GRIK1: variants seen among roughly 807,000 people sequenced by gnomAD.
The protein encoded by GRIK1 is glutamate ionotropic receptor kainate type subunit 1.
GRIK1 carries 69 observed loss-of-function variants against 105.7 expected under a neutral mutation model. That is an observed-to-expected ratio of 0.65 (90% CI 0.54 to 0.80). The LOEUF is 0.80. Among genes scored for constraint, GRIK1 ranks in the 30% least tolerant of loss-of-function variants. GRIK1 has a pLI of 0.00. For missense variants in GRIK1, 1,109 were observed against 1,167.3 expected (o/e 0.95, Z 0.73); for synonymous variants, 438 against 431.3 (o/e 1.02, Z -0.19).
rs138354828 is a variant in GRIK1 at position 29,582,187 on chromosome 21, G to A, written c.1794-644C>T. On this transcript the variant is annotated intron_variant, in intron 12 of 17. Transcript: ENST00000327783. ...TCATGATCCTAAAGGAAGAGACAAG[G>A]CATACATTTGGAATTATACTGGTCC... The A allele has an allele frequency of 2.9e-4, 91 of 314,284 alleles. No individual in the cohort carries two copies. In the East Asian group the frequency reaches 7.5e-3, roughly 26 times the overall value. The allele number at this position is 314,284 out of a possible 1,614,324, so 19.5% of individuals were successfully genotyped here. A position where few individuals can be genotyped will look rare whatever the true frequency, so the allele number is the denominator to read the frequency against.
chr21:29,787,938 A>C (rs905157628), intron 1 of GRIK1, among the ~76,000 whole-genome samples: 1 of 152,250 alleles, frequency 6.6e-6, no homozygotes, highest in African/African-American at 2.4e-5. Context: ...TCCCAAGAGA[A>C]ATAACTTCTT....
At chr21:29,891,730 AT>A (rs1295781359) in intron 1 of GRIK1, among the ~76,000 whole-genome samples, 4 of 152,150 alleles carry the variant, frequency 2.6e-5, no homozygotes, top group Non-Finnish European at 5.9e-5. Flanking sequence ...GGGTTTTATT[AT>A]TTCTTTTGAA....
chr21:29,676,444 C>T (rs1468787535), intron 3 of GRIK1, among the ~76,000 whole-genome samples: 4 of 152,256 alleles, frequency 2.6e-5, no homozygotes, highest in Middle Eastern at 3.4e-3. Context: ...GAAGCTTTCC[C>T]TTATATTTGC....
chr21:29,626,483 C>A (rs571739482), intron 7 of GRIK1, among the ~76,000 whole-genome samples: 2 of 152,042 alleles, frequency 1.3e-5, no homozygotes, highest in Non-Finnish European at 2.9e-5. Context: ...GAAGAAAACA[C>A]CAGGGGAGGA....
intron 4 of GRIK1, among the ~76,000 whole-genome samples, chr21:29,665,768 T>A (rs2088077821): frequency 6.6e-6 from 1 of 152,226 alleles, no homozygotes; most frequent in Non-Finnish European, 1.5e-5. Context: ...AGTTGCCTGT[T>A]TACAGGATGT....
chr21:29,631,679 A>T (rs182675244), intron 7 of GRIK1, among the ~76,000 whole-genome samples: 5 of 152,360 alleles, frequency 3.3e-5, no homozygotes, highest in Admixed American at 2.6e-4. Flanking sequence ...GACACAGTGG[A>T]TTAAAAAGAC....
chr21:29,586,254 C>G (rs2146274247), intron 12 of GRIK1, among the ~76,000 whole-genome samples: 1 of 152,290 alleles, frequency 6.6e-6, no homozygotes, highest in African/African-American at 2.4e-5. Flanking sequence ...TCAAAACATT[C>G]ATTTCATATT....
At chr21:29,792,894 CT>C (rs2066461472) in intron 1 of GRIK1, among the ~76,000 whole-genome samples, 1 of 152,156 alleles carries the variant, frequency 6.6e-6, no homozygotes, top group Admixed American at 6.6e-5. Context: ...AGAATATCTG[CT>C]TTTTTATTTT....
At chr21:29,694,375 C>A (rs1004628504) in intron 1 of GRIK1, among the ~76,000 whole-genome samples, 5 of 151,998 alleles carry the variant, frequency 3.3e-5, no homozygotes, top group African/African-American at 1.2e-4. Context: ...CCACCCGCCT[C>A]GACCTCCCAA....
intron 7 of GRIK1, among the ~76,000 whole-genome samples, chr21:29,613,009 A>G (rs945006180): frequency 1.3e-5 from 2 of 152,206 alleles, no homozygotes; most frequent in African/African-American, 2.4e-5. Flanking sequence ...TCTTGGCTCT[A>G]TCTTTGAGTA....
chr21:29,854,552 G>A (rs111357548), intron 1 of GRIK1, among the ~76,000 whole-genome samples: 107 of 152,246 alleles, frequency 7.0e-4, no homozygotes, highest in African/African-American at 2.4e-3. Flanking sequence ...GGACTTGGGT[G>A]GGGGAATGAG....
intron 1 of GRIK1, among the ~76,000 whole-genome samples, chr21:29,851,056 C>CTTTTTT (rs11301678): frequency 6.1e-5 from 9 of 146,424 alleles, no homozygotes; most frequent in Non-Finnish European, 6.0e-5. Flanking sequence ...GAAATGATTT[C>CTTTTTT]TTTTTTTTTT....
intron 1 of GRIK1, among the ~76,000 whole-genome samples, chr21:29,705,788 T>C (rs185490733): frequency 6.6e-6 from 1 of 152,296 alleles, no homozygotes; most frequent in African/African-American, 2.4e-5. Flanking sequence ...ATCTCACAGA[T>C]ATGTTGCAGG....
At chr21:29,691,215 G>A (rs1438103879) in intron 2 of GRIK1, among the ~76,000 whole-genome samples, 1 of 152,056 alleles carries the variant, frequency 6.6e-6, no homozygotes, top group Non-Finnish European at 1.5e-5. Context: ...GGTGGCTGAG[G>A]CACGAGAATT....
At position 29,939,709 on chromosome 21, in the gene GRIK1, T is replaced by C; in HGVS notation, c.-209A>G. The C allele has an allele frequency of 2.2e-6, 1 of 463,542 alleles. No individual in the cohort carries two copies. Among genetic ancestry groups the C allele is most frequent in the East Asian group, 3.7e-5 (1 of 27,236 alleles). The allele number at this position is 463,542 out of a possible 1,614,324, so 28.7% of individuals were successfully genotyped here. A position where few individuals can be genotyped will look rare whatever the true frequency, so the allele number is the denominator to read the frequency against. ...GAGCTCTCTCGGGGCTCCTCAGTGC[T>C]GTCGCTAGCCCATCACGGCTCCTCC... On this transcript the variant is annotated 5_prime_UTR_variant, in exon 1 of 18. Transcript: ENST00000327783.
At chr21:29,639,068 C>A (rs2062455623) in intron 7 of GRIK1, among the ~76,000 whole-genome samples, 2 of 152,212 alleles carry the variant, frequency 1.3e-5, no homozygotes, top group African/African-American at 4.8e-5. Flanking sequence ...CCTCACTCTC[C>A]TATCGAAACC....
intron 14 of GRIK1, among the ~76,000 whole-genome samples, chr21:29,576,374 G>A (rs532870869): frequency 3.3e-5 from 5 of 152,250 alleles, no homozygotes; most frequent in African/African-American, 7.2e-5. Flanking sequence ...CGGTGCCTCC[G>A]AAGACATTTT....
At chr21:29,627,089 C>G (rs920402773) in intron 7 of GRIK1, among the ~76,000 whole-genome samples, 2 of 152,172 alleles carry the variant, frequency 1.3e-5, no homozygotes, top group Non-Finnish European at 2.9e-5. Context: ...CTTGTTACCT[C>G]TGTAGCATAG....
intron 9 of GRIK1, 60 bp downstream of exon 9, chr21:29,596,466 T>C: frequency 8.8e-7 from 1 of 1,139,790 alleles, no homozygotes; most frequent in Non-Finnish European, 1.3e-6. Flanking sequence ...GCACAGGCCT[T>C]TCCAATGACA....
Sources: gnomAD v4.1 joint callset for allele counts (sites outside exome capture counted in the v4.1 genomes callset) on GRCh38, gnomAD v4.1.1 for gene constraint, MANE v1.5 for transcripts, NCBI Gene and HGNC (gene_info 2026-07-23, HGNC 2026-07-21) for gene names.